GDI2: variants seen among roughly 807,000 people sequenced by gnomAD.
GDI2 encodes the protein GDP dissociation inhibitor 2, also known as rab GDP dissociation inhibitor beta.
GDI2 carries 22 observed loss-of-function variants against 54.2 expected under a neutral mutation model. That is an observed-to-expected ratio of 0.41 (90% CI 0.29 to 0.58). GDI2 has a LOEUF of 0.58. GDI2 is among the 20% of genes least tolerant of loss of function. The pLI, the probability that GDI2 is intolerant of heterozygous loss-of-function variation, is 0.35. For synonymous variants in GDI2, 177 were observed against 182.1 expected, an observed-to-expected ratio of 0.97 and a Z score of 0.23; for missense variants, 422 against 546.0, an observed-to-expected ratio of 0.77 and a Z score of 2.26.
intron 5 of GDI2, among the ~76,000 whole-genome samples, chr10:5,785,491 C>G (rs1345404583): frequency 6.6e-6 from 1 of 152,168 alleles, no homozygotes; most frequent in African/African-American, 2.4e-5. Flanking sequence ...TCTTCTGCCT[C>G]AGCCTCCCAA....
intron 7 of GDI2, among the ~76,000 whole-genome samples, chr10:5,773,163 C>T (rs1010010211): frequency 4.1e-4 from 62 of 152,234 alleles, no homozygotes; most frequent in African/African-American, 1.3e-3. Context: ...GCCCCCCACC[C>T]CACCACCCAG....
Position 5,769,901 on chromosome 10 carries a change from C to T in GDI2, c.820-1517G>A, listed in dbSNP as rs116433173. ...TGGGTACACACCCAAAAGAACTAAACGCATGGTCTTGATGAGACATTTGTA... is the reference window on the plus strand; with the variant it reads ...TGGGTACACACCCAAAAGAACTAAATGCATGGTCTTGATGAGACATTTGTA... On this transcript the variant is annotated intron_variant, in intron 7 of 10. Coordinates refer to ENST00000380191, the MANE Select transcript of GDI2 (RefSeq NM_001494.4). Among the ~76,000 whole-genome samples the T allele has an allele frequency of 1.0e-2, 1,520 of 152,308 alleles. 10 individuals carry two copies. Among genetic ancestry groups the T allele is most frequent in the South Asian group, 0.015 (73 of 4,832 alleles).
Position 5,800,650 on chromosome 10 carries a change from T to G in GDI2, c.101A>C (p.Asp34Ala). 6.2e-7 allele frequency: 1 copy of G among 1,602,778 alleles called. No individual in the cohort carries two copies. Among genetic ancestry groups the G allele is most frequent in the Non-Finnish European group, 8.5e-7 (1 of 1,169,600 alleles). ...CTCTCCTCCGTAGTAAGGGTTTCGA[T>G]CCATATGAAGAACTTTCTTGCCATT... ...SVNGKKVLHM[D>A]RNPYYGGESA... Residue 34 changes from aspartate to alanine, a missense_variant, in exon 2 of 11, where the codon GAT (aspartate) becomes GCT (alanine). By Grantham distance (126) the Asp-to-Ala change is moderately radical. Transcript: ENST00000380191.
Position 5,774,793 on chromosome 10 carries a change from GT to G in GDI2, c.720-853del, listed in dbSNP as rs1386625211. Among the ~76,000 whole-genome samples, 2 of 152,026 alleles carry G rather than the reference GT, an allele frequency of 1.3e-5. No homozygotes were observed. The highest frequency in any genetic ancestry group is 2.9e-5 in the Non-Finnish European group (2 of 68,020). On this transcript the variant is annotated intron_variant, in intron 6 of 10. Coordinates refer to ENST00000380191, the MANE Select transcript of GDI2 (RefSeq NM_001494.4). The surrounding 1 kb of genome is among the most constrained non-coding windows in gnomAD (Gnocchi z 4.8). ...AAAACCCCACACTGTCTATTCTCCTGTTTTTCCTTGTGTGTGTGTTCTAAAA... is the reference window on the plus strand; with the variant it reads ...AAAACCCCACACTGTCTATTCTCCTGTTTTCCTTGTGTGTGTGTTCTAAAA...
chr10:5,779,357 A>C (rs1428760123), intron 6 of GDI2, among the ~76,000 whole-genome samples: 5 of 151,784 alleles, frequency 3.3e-5, no homozygotes. Flanking sequence ...AAAATACAAA[A>C]ATCACCCGAG....
chr10:5,804,976 G>C (rs1325393970), intron 1 of GDI2, among the ~76,000 whole-genome samples: 1 of 152,034 alleles, frequency 6.6e-6, no homozygotes, highest in Non-Finnish European at 1.5e-5. Flanking sequence ...TGGGACTACA[G>C]GTGTGCGCCA....
chr10:5,787,503 G>A (rs1390022679), intron 4 of GDI2, among the ~76,000 whole-genome samples: 16 of 150,122 alleles, frequency 1.1e-4, no homozygotes, highest in Non-Finnish European at 2.1e-4. Context: ...GTGAGACTCC[G>A]TCTCAAAAAA....
chr10:5,794,188 AATATATATATATATATATATATATAT>A (rs1165735549), intron 4 of GDI2, among the ~76,000 whole-genome samples: 6 of 40,340 alleles, frequency 1.5e-4, no homozygotes, highest in African/African-American at 2.0e-4. Flanking sequence ...AAAAAAAAAA[AATATATATATATATATATATATATAT>A]ATATATATAT....
Position 5,770,118 on chromosome 10 carries a change from C to CTA in GDI2, c.820-1736_820-1735dup, listed in dbSNP as rs1840451805. Among the ~76,000 whole-genome samples the CTA allele has an allele frequency of 3.9e-5, 6 of 152,272 alleles. No individual in the cohort carries two copies. In the South Asian group the frequency reaches 1.2e-3, roughly 32 times the overall value. ...TGGACATCATGCTAAGTGAAATAAA[C>CTA]TAGTCACAAGAAGGCAAATACTATA... On this transcript the variant is annotated intron_variant, in intron 7 of 10. Coordinates refer to ENST00000380191, the MANE Select transcript of GDI2 (RefSeq NM_001494.4).
rs1841114611 is a variant in GDI2, at chr10:5,794,994, A to G, written c.279T>C (p.Tyr93=). The part of the protein sequence containing the change: ...ANGQLVKMLL[Y]TEVTRYLDFK... The stretch of plus-strand genomic sequence containing the variant: ...AATCCAGATAGCGAGTTACCTCTGT[A>G]TAAAGCAGCATCTTAACCAGCTGAC... The change falls in exon 4 of 11, where the codon TAT becomes TAC. Residue 93 remains tyrosine (Y), a synonymous_variant. Coordinates refer to ENST00000380191, the MANE Select transcript of GDI2 (RefSeq NM_001494.4). 6.3e-7 allele frequency: 1 copy of G among 1,591,376 alleles called. No homozygotes were observed. The highest frequency in any genetic ancestry group is 1.3e-5 in the African/African-American group (1 of 74,496).
At chr10:5,775,877 C>T (rs1209152594) in intron 6 of GDI2, among the ~76,000 whole-genome samples, 1 of 152,152 alleles carries the variant, frequency 6.6e-6, no homozygotes, top group Non-Finnish European at 1.5e-5. Flanking sequence ...GTGGCAGGCC[C>T]GTGGAGCAGT....
rs571108676 is a variant in GDI2 at position 5,765,974 on chromosome 10, G to A, written c.*32C>T. Reference sequence around the variant, plus strand: ...ATGCATTATTTGCCAAATTTTAAATGTGTCCTAATTACATAATAACATGTA... The same window carrying A: ...ATGCATTATTTGCCAAATTTTAAATATGTCCTAATTACATAATAACATGTA... On this transcript the variant is annotated 3_prime_UTR_variant, in exon 11 of 11. Coordinates refer to ENST00000380191, the MANE Select transcript of GDI2 (RefSeq NM_001494.4). 4 of 1,514,858 alleles carry A rather than the reference G, an allele frequency of 2.6e-6. No homozygotes were observed. In the Admixed American group the frequency reaches 7.0e-5, roughly 26 times the overall value. 93.8% of individuals were successfully genotyped at this position (1,514,858 alleles called of 1,614,324 possible).
intron 6 of GDI2, among the ~76,000 whole-genome samples, chr10:5,780,494 CTG>C (rs967245961): frequency 1.3e-5 from 2 of 150,784 alleles, no homozygotes; most frequent in African/African-American, 4.9e-5. Flanking sequence ...GATGACATGA[CTG>C]TGTAGAAGGA....
At chr10:5,787,228 G>A (rs974029431) in intron 4 of GDI2, among the ~76,000 whole-genome samples, 6 of 152,266 alleles carry the variant, frequency 3.9e-5, no homozygotes, top group Admixed American at 3.9e-4. Context: ...GGCTGGTCAG[G>A]TCGTAGTGGC....
rs1430603676 is a variant in GDI2, at chr10:5,796,829, G to C, written c.187C>G (p.Pro63Ala). Reference sequence around the variant, plus strand: ...TCTCTTCCTCTCCCCATTGACTCGGGTGGTGATCCTGGTATTTTAAATCTT... The same window carrying C: ...TCTCTTCCTCTCCCCATTGACTCGGCTGGTGATCCTGGTATTTTAAATCTT... ...YKRFKIPGSP[P>A]ESMGRGRDWN... The change falls in exon 3 of 11, where the codon CCC (proline) becomes GCC (alanine). Residue 63 changes from proline to alanine, a missense_variant. Coordinates refer to ENST00000380191, the MANE Select transcript of GDI2 (RefSeq NM_001494.4). 6.3e-7 allele frequency: 1 copy of C among 1,586,782 alleles called. No homozygotes were observed. Among genetic ancestry groups the C allele is most frequent in the African/African-American group, 1.3e-5 (1 of 74,378 alleles).
intron 4 of GDI2, among the ~76,000 whole-genome samples, chr10:5,790,616 A>C (rs1840989328): frequency 6.6e-6 from 1 of 152,184 alleles, no homozygotes; most frequent in Admixed American, 6.6e-5. Flanking sequence ...ATTGAACTCC[A>C]GCCTGGGCAA....
In GDI2 at chr10:5,776,196, A is replaced by C. The variant is rs1327713461; in HGVS notation, c.720-2255T>G. On this transcript the variant is annotated intron_variant, in intron 6 of 10. Coordinates refer to ENST00000380191, the MANE Select transcript of GDI2 (RefSeq NM_001494.4). This position sits in a 1 kb window ranked among gnomAD's most constrained non-coding sequence, Gnocchi z 5.3. ...CAGAAGCCGTGAAGCTGACAGTCTG[A>C]GCAGGCTCATTTTTCACTGGAATTG... 2.6e-6 allele frequency: 1 copy of C among 377,966 alleles called. No homozygotes were observed. Among genetic ancestry groups the C allele is most frequent in the African/African-American group, 2.1e-5 (1 of 46,858 alleles). 23.4% of individuals were successfully genotyped at this position (377,966 alleles called of 1,614,324 possible).
intron 6 of GDI2, among the ~76,000 whole-genome samples, chr10:5,775,315 A>G (rs1303872661): frequency 6.6e-6 from 1 of 152,166 alleles, no homozygotes; most frequent in Non-Finnish European, 1.5e-5. Context: ...AAGTGGGGGG[A>G]AAGGCAGCAC....
intron 7 of GDI2, among the ~76,000 whole-genome samples, chr10:5,772,761 C>CAAATAAAT (rs551728024): frequency 3.3e-5 from 5 of 152,004 alleles, no homozygotes; most frequent in East Asian, 1.9e-4. Context: ...TTTGATGTCT[C>CAAATAAAT]AAATAAATAA....
Sources: allele counts gnomAD v4.1 joint callset (sites outside exome capture counted in the v4.1 genomes callset), GRCh38; gene constraint gnomAD v4.1.1; non-coding constraint Gnocchi (gnomAD v3.1); transcripts MANE v1.5; gene names NCBI Gene and HGNC (gene_info 2026-07-23, HGNC 2026-07-21).